Variants in GGA2 observed in about 807,000 individuals in gnomAD.
GGA2 encodes ADP-ribosylation factor-binding protein GGA2.
Under a neutral mutation model 79.5 loss-of-function variants are expected in GGA2, and 48 were observed. The observed-to-expected ratio is 0.60, with a 90% CI of 0.48 to 0.77. The LOEUF (loss-of-function observed/expected upper bound fraction) is 0.77, where lower values mean the gene tolerates loss of function less well. Ranked by LOEUF, GGA2 falls within the 30% of genes least tolerant of loss-of-function variation. The probability of loss-of-function intolerance (pLI) is 0.00; values close to 1 mark genes in which losing one functional copy is unlikely to be tolerated. For synonymous variants in GGA2, 317 were observed against 302.0 expected (o/e 1.05, Z -0.51); for missense variants, 770 against 774.0 (o/e 0.99, Z 0.06).
chr16:23,494,430 C>T (rs1393913427), intron 2 of GGA2, 52 bp from the exon 3 acceptor site: 2 of 1,149,174 alleles, frequency 1.7e-6, no homozygotes, highest in African/African-American at 1.5e-5. Context: ...AGAAACTAAC[C>T]CGAGTGGCTG....
intron 13 of GGA2, among the ~76,000 whole-genome samples, chr16:23,478,114 G>A (rs897351029): frequency 1.3e-5 from 2 of 150,190 alleles, no homozygotes; most frequent in African/African-American, 4.9e-5. Context: ...CAGGAGAATC[G>A]CTTGAACTCA....
At chr16:23,521,153 A>G (rs574306058) in intron 1 of GGA2, among the ~76,000 whole-genome samples, 8 of 152,182 alleles carry the variant, frequency 5.3e-5, no homozygotes, top group Non-Finnish European at 1.0e-4. Flanking sequence ...TTACCATCTC[A>G]GTCATTTTTA....
upstream of GGA2, among the ~76,000 whole-genome samples, chr16:23,511,050 T>TG (rs57500272): frequency 6.0e-5 from 9 of 149,502 alleles, no homozygotes; most frequent in East Asian, 2.0e-4. Context: ...TGTGTGTGTG[T>TG]TAGAGACTGG....
intron 8 of GGA2, among the ~76,000 whole-genome samples, chr16:23,484,578 G>A (rs2065466678): frequency 6.6e-6 from 1 of 152,206 alleles, no homozygotes; most frequent in Non-Finnish European, 1.5e-5. Context: ...GATGGGCAAT[G>A]GATTTGCACA....
upstream of GGA2, among the ~76,000 whole-genome samples, chr16:23,510,948 T>TGTGTGTG (rs1965046012): frequency 1.7e-5 from 2 of 121,066 alleles, no homozygotes; most frequent in African/African-American, 3.3e-5. Flanking sequence ...TGTGTGTGTG[T>TGTGTGTG]TAGAGACTGG....
chr16:23,510,570 G>C (rs1275377099), upstream of GGA2: 1 of 388,436 alleles, frequency 2.6e-6, no homozygotes, highest in Non-Finnish European at 4.6e-6. Flanking sequence ...CTCCACGCGG[G>C]ACCGGCCGGA....
In GGA2 at chr16:23,485,944, G is replaced by A. The variant is rs1440475329; in HGVS notation, c.798+71C>T. The A allele has an allele frequency of 7.2e-6, 10 of 1,395,528 alleles. No individual in the cohort carries two copies. The East Asian group carries it at 1.8e-4, about 26-fold the overall frequency. The allele number at this position is 1,395,528 out of a possible 1,614,324, so 86.4% of individuals were successfully genotyped here. ...TTGACTCTGAGATGGCTTCATGGGTGCAAACAGGTGAAAGCATTTCAAACC... is the reference window on the plus strand; with the variant it reads ...TTGACTCTGAGATGGCTTCATGGGTACAAACAGGTGAAAGCATTTCAAACC... On this transcript the variant is annotated intron_variant, in intron 8 of 16. Coordinates refer to ENST00000309859, the MANE Select transcript of GGA2 (RefSeq NM_015044.4).
chr16:23,469,074 G>C, intron 15 of GGA2, 78 bp from the exon 16 acceptor site: 3 of 901,080 alleles, frequency 3.3e-6, no homozygotes, highest in Non-Finnish European at 5.5e-6. Context: ...AGGGGGAGCT[G>C]GACCTCCCCA....
chr16:23,508,808 C>T (rs1192092184), intron 1 of GGA2, among the ~76,000 whole-genome samples: 1 of 152,202 alleles, frequency 6.6e-6, no homozygotes, highest in Non-Finnish European at 1.5e-5. Context: ...GACTATGCCA[C>T]AAGCACCTCA....
chr16:23,512,183 G>T (rs1965074482), upstream of GGA2, among the ~76,000 whole-genome samples: 1 of 152,160 alleles, frequency 6.6e-6, no homozygotes, highest in African/African-American at 2.4e-5. Context: ...CTTACGGGGT[G>T]GTCTAGTGGC....
rs773959007 is a variant in GGA2 at position 23,478,404 on chromosome 16, A to G, written c.1256T>C (p.Leu419Pro). ...VQNPSADRNL[L>P]DLLSAQPAPC... ...AGCTGGCTGTGCTGAGAGGAGGTCC[A>G]GCAAATTCCTGTCTGCAGAAGGGTT... Residue 419 changes from leucine (L) to proline (P), a missense_variant, in exon 13 of 17, where the codon CTG becomes CCG. Coordinates refer to ENST00000309859, the MANE Select transcript of GGA2 (RefSeq NM_015044.4). 1.1e-5 allele frequency: 18 copies of G among 1,610,276 alleles called. No individual in the cohort carries two copies. The highest frequency in any genetic ancestry group is 1.4e-5 in the Non-Finnish European group (16 of 1,177,618).
intron 1 of GGA2, among the ~76,000 whole-genome samples, chr16:23,506,774 C>T (rs1280210596): frequency 6.6e-6 from 1 of 152,218 alleles, no homozygotes; most frequent in Non-Finnish European, 1.5e-5. Context: ...CACTTGAGCA[C>T]CCAATACTCA....
At chr16:23,495,810 A>C (rs756165727) in intron 1 of GGA2, 32 bp from the exon 2 acceptor site, 5 of 1,458,264 alleles carry the variant, frequency 3.4e-6, no homozygotes, top group Non-Finnish European at 1.9e-6. Context: ...TAGAGAGTAC[A>C]TAATAGGAAG....
chr16:23,511,379 TC>T (rs1411842595), upstream of GGA2, among the ~76,000 whole-genome samples: 1 of 151,838 alleles, frequency 6.6e-6, no homozygotes, highest in Non-Finnish European at 1.5e-5. Context: ...CAGGCTGGTC[TC>T]GAACTCCTGA....
intron 6 of GGA2, among the ~76,000 whole-genome samples, 191 bp from the exon 7 acceptor site, chr16:23,486,981 G>GTTTT (rs374719399): frequency 3.1e-5 from 3 of 97,090 alleles, no homozygotes; most frequent in South Asian, 6.7e-4. Context: ...TTTCTTTTCT[G>GTTTT]TTGTTTTTTT....
intron 2 of GGA2, among the ~76,000 whole-genome samples, chr16:23,516,112 A>G (rs1278037974): frequency 6.6e-6 from 1 of 151,396 alleles, no homozygotes; most frequent in Non-Finnish European, 1.5e-5. Context: ...GGCTCAAGTG[A>G]TCCTCCCGCC....
intron 1 of GGA2, among the ~76,000 whole-genome samples, chr16:23,506,375 A>G (rs1964974057): frequency 6.6e-6 from 1 of 152,172 alleles, no homozygotes; most frequent in Non-Finnish European, 1.5e-5. Flanking sequence ...AGAAGAAAAC[A>G]ACAACAAATA....
At chr16:23,516,269 C>T (rs1416006364) in intron 2 of GGA2, among the ~76,000 whole-genome samples, 1 of 152,134 alleles carries the variant, frequency 6.6e-6, no homozygotes, top group Non-Finnish European at 1.5e-5. Context: ...GCCTCGGCTT[C>T]CCAAAGTGCT....
At chr16:23,523,432 C>T (rs1965173016), upstream of GGA2, 1 of 152,216 alleles carries the variant, frequency 6.6e-6, no homozygotes, top group African/African-American at 2.4e-5. Flanking sequence ...AAAAACGGAA[C>T]AGATGACGTT....
Sources: gnomAD v4.1 joint callset for allele counts (sites outside exome capture counted in the v4.1 genomes callset) on GRCh38, gnomAD v4.1.1 for gene constraint, MANE v1.5 for transcripts, NCBI Gene and HGNC (gene_info 2026-07-23, HGNC 2026-07-21) for gene names.